CPS1: variants seen among roughly 807,000 people sequenced by gnomAD.
CPS1 encodes carbamoyl-phosphate synthase [ammonia], mitochondrial.
Under a neutral mutation model 174.6 loss-of-function variants are expected in CPS1, and 109 were observed. The ratio of observed to expected loss-of-function variants is 0.62; its 90% CI spans 0.53 to 0.73. CPS1 has a LOEUF of 0.73. CPS1 is among the 30% of genes least tolerant of loss of function. CPS1 has a pLI of 0.00. For synonymous variants in CPS1, 637 were observed against 632.0 expected (o/e 1.01, Z -0.12); for missense variants, 1,689 against 1,821.9 (o/e 0.93, Z 1.33).
At chr2:210,489,476 T>C (rs1380732559) in intron 1 of CPS1, among the ~76,000 whole-genome samples, 1 of 152,152 alleles carries the variant, frequency 6.6e-6, no homozygotes, top group African/African-American at 2.4e-5. Flanking sequence ...CTTACTCTGA[T>C]AGACTGACCC....
chr2:210,494,523 T>C (rs1351134528), intron 1 of CPS1, among the ~76,000 whole-genome samples: 1 of 152,176 alleles, frequency 6.6e-6, no homozygotes, highest in Non-Finnish European at 1.5e-5. Flanking sequence ...TTTCTCTACA[T>C]AGACCCTAAA....
chr2:210,675,391 T>G (rs1382253092), intron 35 of CPS1, among the ~76,000 whole-genome samples: 1 of 152,180 alleles, frequency 6.6e-6, no homozygotes, highest in Non-Finnish European at 1.5e-5. Context: ...CCATGGGGAT[T>G]TTTTGACCTG....
chr2:210,643,763 T>C (rs1328877585), intron 25 of CPS1, among the ~76,000 whole-genome samples: 2 of 152,108 alleles, frequency 1.3e-5, no homozygotes, highest in Admixed American at 1.3e-4. Context: ...TTTAATAAAA[T>C]TGATCCATTA....
intron 1 of CPS1, among the ~76,000 whole-genome samples, chr2:210,497,917 T>TATATATATATATATATATA (rs1695040834): frequency 7.0e-6 from 1 of 143,274 alleles, no homozygotes; most frequent in African/African-American, 2.6e-5. Flanking sequence ...TATATATATA[T>TATATATATATATATATATA]ATCTCCAGTA....
chr2:210,613,176 C>T (rs963051756), intron 20 of CPS1, among the ~76,000 whole-genome samples: 3 of 151,786 alleles, frequency 2.0e-5, no homozygotes, highest in Admixed American at 6.6e-5. Context: ...AAAGGATTCC[C>T]GTCTTTGTAA....
intron 21 of CPS1, among the ~76,000 whole-genome samples, chr2:210,624,379 T>C (rs7607205): frequency 6.6e-6 from 1 of 151,786 alleles, no homozygotes; most frequent in Admixed American, 6.6e-5. Flanking sequence ...TATTACATAT[T>C]ACCATTCTAT....
chr2:210,673,097 A>G (rs936445939), intron 34 of CPS1: 1 of 152,220 alleles, frequency 6.6e-6, no homozygotes, highest in Non-Finnish European at 1.5e-5. Context: ...AGCCATCACT[A>G]ATATGGTTTA....
chr2:210,548,469 A>G (rs558110689), intron 1 of CPS1, among the ~76,000 whole-genome samples: 2 of 152,208 alleles, frequency 1.3e-5, no homozygotes, highest in East Asian at 3.9e-4. Flanking sequence ...AATGATCTTG[A>G]TAGGGGCAAG....
At chr2:210,550,076 G>A (rs1268986088) in intron 1 of CPS1, among the ~76,000 whole-genome samples, 1 of 151,966 alleles carries the variant, frequency 6.6e-6, no homozygotes, top group Non-Finnish European at 1.5e-5. Flanking sequence ...AGATGAATTA[G>A]TTTTATTATT....
rs145773334 is a variant in CPS1 at position 210,540,256 on chromosome 2, C to T, written c.4-16463C>T. ...TTAACTTTTTCTTTCTCTTTGCCTTCCTGTTGTAATAATTCCAAACCACCC... is the reference window on the plus strand; with the variant it reads ...TTAACTTTTTCTTTCTCTTTGCCTTTCTGTTGTAATAATTCCAAACCACCC... On this transcript the variant is annotated intron_variant, in intron 1 of 38. Transcript: ENST00000430249. Among the ~76,000 whole-genome samples the T allele has an allele frequency of 4.1e-3, 626 of 152,216 alleles. 5 individuals are homozygous for T. Among genetic ancestry groups the T allele is most frequent in the African/African-American group, 0.014 (571 of 41,548 alleles).
chr2:210,481,285 A>C (rs979440006), intron 1 of CPS1, among the ~76,000 whole-genome samples: 3 of 152,222 alleles, frequency 2.0e-5, no homozygotes, highest in African/African-American at 7.2e-5. Flanking sequence ...AAAGAAAAGG[A>C]GACTTCCCCC....
intron 21 of CPS1, chr2:210,631,256 C>G (rs776491589): frequency 3.3e-5 from 5 of 152,110 alleles, no homozygotes; most frequent in Non-Finnish European, 7.3e-5. Flanking sequence ...CTCCAGTCAG[C>G]TAATAGATTT....
At chr2:210,592,763 G>A (rs374408331) in intron 10 of CPS1, 116 bp from the exon 11 acceptor site, 1 of 967,722 alleles carries the variant, frequency 1.0e-6, no homozygotes, top group Non-Finnish European at 1.7e-6. Context: ...CAAAAATTTT[G>A]TTAAGCATCT....
intron 1 of CPS1, among the ~76,000 whole-genome samples, chr2:210,499,650 T>C (rs1183801343): frequency 1.3e-5 from 2 of 152,170 alleles, no homozygotes; most frequent in Non-Finnish European, 2.9e-5. Flanking sequence ...TCCCTGTGTC[T>C]TTTCCTCTCA....
At chr2:210,648,656 C>G (rs908561651) in intron 27 of CPS1, 116 bp downstream of exon 27, 5 of 899,828 alleles carry the variant, frequency 5.6e-6, no homozygotes, top group Non-Finnish European at 9.2e-6. Context: ...AATCCATTAA[C>G]AATTTCCAAA....
intron 1 of CPS1, among the ~76,000 whole-genome samples, chr2:210,565,452 A>G (rs930966686): frequency 6.6e-6 from 1 of 152,206 alleles, no homozygotes; most frequent in Non-Finnish European, 1.5e-5. Flanking sequence ...TGATATCCAT[A>G]TTAGCTACAA....
intron 1 of CPS1, among the ~76,000 whole-genome samples, chr2:210,566,168 G>A (rs1470574761): frequency 6.6e-6 from 1 of 152,028 alleles, no homozygotes; most frequent in Non-Finnish European, 1.5e-5. Context: ...AGCAGGAGAT[G>A]GTTTGCTGAC....
intron 31 of CPS1, among the ~76,000 whole-genome samples, chr2:210,659,638 A>G (rs1156349798): frequency 6.6e-6 from 1 of 152,182 alleles, no homozygotes; most frequent in Non-Finnish European, 1.5e-5. Flanking sequence ...TCCTACTCGC[A>G]GTCATTTGGT....
At chr2:210,595,190 A>G (rs1221307624) in intron 12 of CPS1, among the ~76,000 whole-genome samples, 1 of 151,848 alleles carries the variant, frequency 6.6e-6, no homozygotes, top group African/African-American at 2.4e-5. Context: ...ACACATAGAT[A>G]TATTTACATA....
Sources: gnomAD v4.1 joint callset for allele counts (sites outside exome capture counted in the v4.1 genomes callset) on GRCh38, gnomAD v4.1.1 for gene constraint, MANE v1.5 for transcripts, NCBI Gene and HGNC (gene_info 2026-07-23, HGNC 2026-07-21) for gene names.